The following ANXA8 variants were observed in gnomAD, a reference collection of about 807,000 sequenced individuals.
The protein encoded by ANXA8 is annexin A8, also known as VAC-beta.
Under a neutral mutation model 26.8 loss-of-function variants are expected in ANXA8, and 9 were observed. The observed-to-expected ratio is 0.34, with a 90% CI of 0.20 to 0.59. ANXA8 has a LOEUF of 0.59. Among genes scored for constraint, ANXA8 ranks in the 20% least tolerant of loss-of-function variants. The pLI is 0.84. For missense variants in ANXA8, 83 were observed against 238.5 expected (o/e 0.35, Z 4.29); for synonymous variants, 39 against 94.8 (o/e 0.41, Z 3.42).
chr10:47,560,719 CCTGA>C, the ANXA8 span, among the ~76,000 whole-genome samples: 1 of 151,916 alleles, frequency 6.6e-6, no homozygotes, highest in East Asian at 1.9e-4. Context: ...GGGCACAGCG[CCTGA>C]CTATTTTCCT....
the ANXA8 span, among the ~76,000 whole-genome samples, chr10:47,553,877 C>T: frequency 6.7e-6 from 1 of 149,386 alleles, no homozygotes. Flanking sequence ...GCCCCGGAGT[C>T]ACCGTGCCCG....
At chr10:47,659,955 C>T in the ANXA8 span, among the ~76,000 whole-genome samples, 1 of 149,732 alleles carries the variant, frequency 6.7e-6, no homozygotes, top group African/African-American at 2.5e-5. Flanking sequence ...CAGAGTTTCA[C>T]CATGTTGCCC....
chr10:47,674,374 C>T, the ANXA8 span, among the ~76,000 whole-genome samples: 5 of 151,138 alleles, frequency 3.3e-5, no homozygotes, highest in African/African-American at 1.2e-4. Flanking sequence ...TCATGCAATC[C>T]TCCCACTTCA....
At chr10:47,665,605 T>A in the ANXA8 span, among the ~76,000 whole-genome samples, 1 of 149,634 alleles carries the variant, frequency 6.7e-6, no homozygotes, top group Non-Finnish European at 1.5e-5. Flanking sequence ...AATACAAAGA[T>A]GAAGAGAACA....
chr10:47,679,444 T>TAA, the ANXA8 span, among the ~76,000 whole-genome samples: 1 of 151,870 alleles, frequency 6.6e-6, no homozygotes, highest in African/African-American at 2.4e-5. Flanking sequence ...CTACAAAGAT[T>TAA]AAAAAATAGA....
At chr10:47,575,358 T>G in the ANXA8 span, among the ~76,000 whole-genome samples, 1 of 112,408 alleles carries the variant, frequency 8.9e-6, no homozygotes, top group Non-Finnish European at 1.9e-5. Flanking sequence ...TGACTTGTAT[T>G]TGTATTTTTA....
At chr10:47,469,355 C>T (rs1447050804) in intron 11 of ANXA8, among the ~76,000 whole-genome samples, 6 of 151,946 alleles carry the variant, frequency 3.9e-5, no homozygotes, top group Non-Finnish European at 7.4e-5. Flanking sequence ...CCTGGACCAT[C>T]GCACCCTGAC....
At chr10:47,743,291 T>TATACATATATATATAC in the ANXA8 span, among the ~76,000 whole-genome samples, 5 of 69,114 alleles carry the variant, frequency 7.2e-5, no homozygotes, top group African/African-American at 2.3e-4. Context: ...CACATATATA[T>TATACATATATATATAC]ATACACATAT....
At chr10:47,546,658 G>A in the ANXA8 span, among the ~76,000 whole-genome samples, 1 of 133,592 alleles carries the variant, frequency 7.5e-6, no homozygotes, top group Non-Finnish European at 1.6e-5. Flanking sequence ...TGCCTGCCTT[G>A]GCCTCCGAAG....
the ANXA8 span, among the ~76,000 whole-genome samples, chr10:47,733,167 T>TTC: frequency 2.0e-5 from 2 of 99,654 alleles, no homozygotes; most frequent in Admixed American, 1.1e-4. Context: ...CTTTCTTTCT[T>TTC]TCTTTCTTTC....
the ANXA8 span, chr10:47,502,303 T>C: frequency 1.1e-5 from 18 of 1,602,520 alleles, no homozygotes; most frequent in African/African-American, 5.5e-5. Flanking sequence ...ACGGGAGCCA[T>C]GTGCCAGCAG....
the ANXA8 span, among the ~76,000 whole-genome samples, chr10:47,958,460 T>C: frequency 6.9e-6 from 1 of 145,504 alleles, no homozygotes; most frequent in Non-Finnish European, 1.5e-5. Flanking sequence ...GCCTGGAAGA[T>C]AGAGTGAGGT....
At chr10:47,570,290 T>G in the ANXA8 span, among the ~76,000 whole-genome samples, 2 of 143,326 alleles carry the variant, frequency 1.4e-5, no homozygotes, top group Non-Finnish European at 1.5e-5. Context: ...TATACATAAT[T>G]ATTTAATAAA....
At chr10:47,704,217 A>T in the ANXA8 span, among the ~76,000 whole-genome samples, 40 of 144,120 alleles carry the variant, frequency 2.8e-4, no homozygotes, top group African/African-American at 9.7e-4. Context: ...AGATGCCCAC[A>T]TTAGTCGACA....
chr10:47,744,787 C>T, the ANXA8 span, among the ~76,000 whole-genome samples: 9 of 151,836 alleles, frequency 5.9e-5, no homozygotes, highest in Non-Finnish European at 8.8e-5. Context: ...CAGGTCACTC[C>T]TCCCTGCCCC....
the ANXA8 span, among the ~76,000 whole-genome samples, chr10:47,701,725 C>T: frequency 6.6e-6 from 1 of 151,616 alleles, no homozygotes; most frequent in Admixed American, 6.6e-5. Flanking sequence ...GATTGGTCAC[C>T]TACAGGGGGC....
the ANXA8 span, among the ~76,000 whole-genome samples, chr10:47,687,742 G>A: frequency 2.6e-5 from 4 of 151,850 alleles, no homozygotes; most frequent in African/African-American, 9.7e-5. Context: ...TTCTTTCTAT[G>A]AGGATTAAAT....
At chr10:47,735,701 T>C in the ANXA8 span, among the ~76,000 whole-genome samples, 1 of 151,622 alleles carries the variant, frequency 6.6e-6, no homozygotes, top group South Asian at 2.1e-4. Context: ...TGCAGTGGTG[T>C]GATCATGGCT....
upstream of ANXA8, among the ~76,000 whole-genome samples, chr10:47,485,154 C>T (rs1423043020): frequency 8.5e-5 from 13 of 152,082 alleles, no homozygotes; most frequent in Admixed American, 2.6e-4. Flanking sequence ...CCATATTGTA[C>T]GCCAAACCTA....
Sources: gnomAD v4.1 joint callset for allele counts (sites outside exome capture counted in the v4.1 genomes callset) on GRCh38, gnomAD v4.1.1 for gene constraint, MANE v1.5 for transcripts, NCBI Gene and HGNC (gene_info 2026-07-23, HGNC 2026-07-21) for gene names.